PGGT1B: variants seen among roughly 807,000 people sequenced by gnomAD.
PGGT1B encodes protein geranylgeranyltransferase type I subunit beta.
In PGGT1B, 30 loss-of-function variants were observed where a neutral mutation model predicts 46.1. The observed-to-expected ratio is 0.65, with a 90% CI of 0.49 to 0.88. PGGT1B has a LOEUF of 0.88. Among genes scored for constraint, PGGT1B ranks in the 40% least tolerant of loss-of-function variants. The pLI is 0.00. For synonymous variants in PGGT1B, 170 were observed against 160.0 expected (o/e 1.06, Z -0.47); for missense variants, 376 against 455.9 (o/e 0.82, Z 1.60).
chr5:115,217,829 TTGA>T (rs1756467874), intron 7 of PGGT1B, among the ~76,000 whole-genome samples: 1 of 151,984 alleles, frequency 6.6e-6, no homozygotes, highest in Non-Finnish European at 1.5e-5. Context: ...TTTTTGAATC[TTGA>T]TGTTAGGAAT....
At chr5:115,215,431 T>G (rs1756386200) in intron 8 of PGGT1B, among the ~76,000 whole-genome samples, 1 of 152,186 alleles carries the variant, frequency 6.6e-6, no homozygotes, top group African/African-American at 2.4e-5. Context: ...CCCAAGTAGT[T>G]GGGATTACAG....
At chr5:115,256,620 C>T (rs1343027668) in intron 1 of PGGT1B, among the ~76,000 whole-genome samples, 1 of 152,088 alleles carries the variant, frequency 6.6e-6, no homozygotes, top group Non-Finnish European at 1.5e-5. Flanking sequence ...CACTTTGGGG[C>T]AAATATCTGG....
At chr5:115,253,387 C>CA (rs1748185757) in intron 1 of PGGT1B, 132 bp from the exon 2 acceptor site, 2 of 623,750 alleles carry the variant, frequency 3.2e-6, no homozygotes, top group Non-Finnish European at 2.6e-6. Context: ...CTTGCAAAAG[C>CA]AAAAAATATA....
Position 115,204,433 on chromosome 5 carries a change from T to A in PGGT1B, c.*7969A>T, listed in dbSNP as rs1756003701. Reference sequence around the variant, plus strand: ...CTGCTTTAGTGGAGAGACATTATTCTGATTTCACTCTCAAAGGCATACAGT... The same window carrying A: ...CTGCTTTAGTGGAGAGACATTATTCAGATTTCACTCTCAAAGGCATACAGT... On this transcript the variant is annotated 3_prime_UTR_variant, in exon 9 of 9. Coordinates refer to ENST00000419445, the MANE Select transcript of PGGT1B (RefSeq NM_005023.4). 1 of 152,218 alleles carries A rather than the reference T, an allele frequency of 6.6e-6. No individual in the cohort carries two copies. Among genetic ancestry groups the A allele is most frequent in the Admixed American group, 6.5e-5 (1 of 15,276 alleles). 9.4% of individuals were successfully genotyped at this position (152,218 alleles called of 1,614,324 possible).
At chr5:115,228,084 G>T (rs181098043) in intron 6 of PGGT1B, among the ~76,000 whole-genome samples, 18 of 152,282 alleles carry the variant, frequency 1.2e-4, no homozygotes, top group African/African-American at 4.3e-4. Context: ...TTTCTGAATA[G>T]CATCAACAGG....
At chr5:115,254,413 A>G (rs1488890687) in intron 1 of PGGT1B, among the ~76,000 whole-genome samples, 1 of 152,078 alleles carries the variant, frequency 6.6e-6, no homozygotes, top group Non-Finnish European at 1.5e-5. Flanking sequence ...AGCTTATTTT[A>G]TATAATAGTT....
In PGGT1B at chr5:115,207,521, A is replaced by C. The variant is rs1756100661; in HGVS notation, c.*4881T>G. On this transcript the variant is annotated 3_prime_UTR_variant, in exon 9 of 9. Transcript: ENST00000419445. ...CTTTGGGAAGAGAGGTAGTGACTGA[A>C]AGAGGGTGCTGATTTCTGACACCAT... 2.0e-5 allele frequency: 3 copies of C among 152,004 alleles called. No homozygotes were observed. Among genetic ancestry groups the C allele is most frequent in the African/African-American group, 7.2e-5 (3 of 41,408 alleles). 9.4% of individuals were successfully genotyped at this position (152,004 alleles called of 1,614,324 possible). A position where few individuals can be genotyped will look rare whatever the true frequency, so the allele number is the denominator to read the frequency against.
At chr5:115,215,657 T>C (rs1028322869) in intron 8 of PGGT1B, among the ~76,000 whole-genome samples, 3 of 152,298 alleles carry the variant, frequency 2.0e-5, no homozygotes, top group Middle Eastern at 3.4e-3. Flanking sequence ...ATATTCCTGC[T>C]CATTTCAAAT....
intron 1 of PGGT1B, among the ~76,000 whole-genome samples, chr5:115,257,076 G>A (rs1189519894): frequency 6.6e-6 from 1 of 152,012 alleles, no homozygotes; most frequent in East Asian, 1.9e-4. Flanking sequence ...TATCTTACAA[G>A]GATGAAAAAG....
chr5:115,241,963 T>G (rs1757360398), intron 2 of PGGT1B, among the ~76,000 whole-genome samples: 1 of 152,194 alleles, frequency 6.6e-6, no homozygotes, highest in Non-Finnish European at 1.5e-5. Context: ...AGAGGTTAAG[T>G]GATTGTTCAA....
At chr5:115,232,028 G>A (rs2127005690) in intron 5 of PGGT1B, among the ~76,000 whole-genome samples, 1 of 152,156 alleles carries the variant, frequency 6.6e-6, no homozygotes. Flanking sequence ...CTGTGGTTGT[G>A]TTCTTTGTCT....
intron 2 of PGGT1B, among the ~76,000 whole-genome samples, chr5:115,249,158 C>A (rs974523928): frequency 2.0e-5 from 3 of 151,978 alleles, no homozygotes; most frequent in African/African-American, 7.3e-5. Flanking sequence ...TCCCCCTCCA[C>A]AAAGATTTTC....
intron 1 of PGGT1B, among the ~76,000 whole-genome samples, chr5:115,253,802 C>T (rs904156945): frequency 5.9e-5 from 9 of 151,846 alleles, no homozygotes; most frequent in African/African-American, 1.9e-4. Flanking sequence ...CTCTATTTTC[C>T]CAGAGAGGAG....
rs989662717 is a variant in PGGT1B, at chr5:115,211,053, A to T, written c.*1349T>A. 1.3e-5 allele frequency: 2 copies of T among 152,108 alleles called. No homozygotes were observed. Among genetic ancestry groups the T allele is most frequent in the Non-Finnish European group, 2.9e-5 (2 of 67,950 alleles). 9.4% of individuals were successfully genotyped at this position (152,108 alleles called of 1,614,324 possible). On this transcript the variant is annotated 3_prime_UTR_variant, in exon 9 of 9. Transcript: ENST00000419445. The stretch of plus-strand genomic sequence containing the variant: ...TAACATTTAAAGTATTACAATGCCT[A>T]AACAGTGATACCAGTAATCCAGTTT...
At chr5:115,225,685 A>G (rs1756755528) in intron 6 of PGGT1B, among the ~76,000 whole-genome samples, 1 of 150,826 alleles carries the variant, frequency 6.6e-6, no homozygotes, top group Non-Finnish European at 1.5e-5. Flanking sequence ...TTGCTCTGTC[A>G]CCCAGGCTGG....
At position 115,212,050 on chromosome 5, in the gene PGGT1B, G is replaced by A. The variant is rs1228265939; in HGVS notation, c.*352C>T. The A allele has an allele frequency of 3.0e-5, 6 of 199,002 alleles. No individual in the cohort carries two copies. The highest frequency in any genetic ancestry group is 5.2e-5 in the Non-Finnish European group (5 of 96,918). The allele number at this position is 199,002 out of a possible 1,614,324, so 12.3% of individuals were successfully genotyped here. On this transcript the variant is annotated 3_prime_UTR_variant, in exon 9 of 9. Transcript: ENST00000419445. Reference sequence around the variant, plus strand: ...CTGAAGATTATCAATGCTATATGAAGTGTAAACTTGAAAATTTGTGTCCAT... The same window carrying A: ...CTGAAGATTATCAATGCTATATGAAATGTAAACTTGAAAATTTGTGTCCAT...
chr5:115,215,607 T>C (rs1407424644), intron 8 of PGGT1B, among the ~76,000 whole-genome samples: 1 of 152,214 alleles, frequency 6.6e-6, no homozygotes, highest in East Asian at 1.9e-4. Context: ...CTAGGAAGCA[T>C]GTTTTATATG....
chr5:115,254,301 G>C (rs967516392), intron 1 of PGGT1B, among the ~76,000 whole-genome samples: 4 of 151,254 alleles, frequency 2.6e-5, no homozygotes, highest in African/African-American at 9.7e-5. Context: ...ATTTTTTTTT[G>C]ATTTTAGAAT....
chr5:115,242,909 A>G (rs887329603), intron 2 of PGGT1B, among the ~76,000 whole-genome samples: 2 of 152,102 alleles, frequency 1.3e-5, no homozygotes, highest in Middle Eastern at 6.3e-3. Flanking sequence ...GGAGGTTGCA[A>G]TGAGCCAAAA....
Sources: gnomAD v4.1 joint callset for allele counts (sites outside exome capture counted in the v4.1 genomes callset) on GRCh38, gnomAD v4.1.1 for gene constraint, MANE v1.5 for transcripts, NCBI Gene and HGNC (gene_info 2026-07-23, HGNC 2026-07-21) for gene names.